PROM1: variants seen among roughly 807,000 people sequenced by gnomAD.
The protein encoded by PROM1 is prominin 1, also known as prominin-1.
In PROM1, 105 loss-of-function variants were observed where a neutral mutation model predicts 116.9. The observed-to-expected ratio is 0.90, with a 90% CI of 0.77 to 1.06. The LOEUF is 1.06. Ranked by LOEUF, PROM1 falls within the 50% of genes least tolerant of loss-of-function variation. The probability of loss-of-function intolerance (pLI) is 0.00; values close to 1 mark genes in which losing one functional copy is unlikely to be tolerated. For synonymous variants in PROM1, 393 were observed against 387.0 expected (o/e 1.02, Z -0.18); for missense variants, 1,122 against 1,045.2 (o/e 1.07, Z -1.01).
intron 5 of PROM1, among the ~76,000 whole-genome samples, chr4:16,025,568 A>G (rs1423291032): frequency 3.3e-5 from 5 of 152,244 alleles, no homozygotes; most frequent in Admixed American, 2.6e-4. Flanking sequence ...ACTCTCGTCA[A>G]TGGAACAATG....
At chr4:15,974,113 TC>T (rs1577742631) in intron 26 of PROM1, among the ~76,000 whole-genome samples, 1 of 80,578 alleles carries the variant, frequency 1.2e-5, no homozygotes, top group Non-Finnish European at 3.2e-5. Context: ...ACACACTCTC[TC>T]TCTTTCTCTC....
rs902573545 is a variant in PROM1, at chr4:15,989,960, G to A, written c.1984-136C>T. The A allele has an allele frequency of 4.4e-6, 3 of 687,064 alleles. No individual in the cohort carries two copies. In the Admixed American group the frequency reaches 6.9e-5, roughly 16 times the overall value. 42.6% of individuals were successfully genotyped at this position (687,064 alleles called of 1,614,324 possible). A position where few individuals can be genotyped will look rare whatever the true frequency, so the allele number is the denominator to read the frequency against. The stretch of plus-strand genomic sequence containing the variant: ...CAATGATGGCTGTGAGTGGGCATGG[G>A]GGCTGGTGTGAGGGATAGTGCCAAG... On this transcript the variant is annotated intron_variant, in intron 18 of 27. Transcript: ENST00000447510.
chr4:15,979,530 T>C, intron 25 of PROM1, 67 bp from the exon 26 acceptor site: 1 of 1,521,804 alleles, frequency 6.6e-7, no homozygotes, highest in Admixed American at 2.2e-5. Flanking sequence ...ACATCATGGA[T>C]TACAAAGACA....
At chr4:16,068,191 C>A (rs1323598112) in intron 2 of PROM1, among the ~76,000 whole-genome samples, 1 of 152,164 alleles carries the variant, frequency 6.6e-6, no homozygotes, top group Non-Finnish European at 1.5e-5. Flanking sequence ...GAGAAACTCC[C>A]TGTTTTTGGT....
chr4:16,062,150 C>T (rs1348359278), intron 2 of PROM1, among the ~76,000 whole-genome samples: 1 of 152,040 alleles, frequency 6.6e-6, no homozygotes, highest in African/African-American at 2.4e-5. Flanking sequence ...CTCGGCACCC[C>T]AAAGTGCTGG....
chr4:16,000,521 G>T lies in PROM1; in HGVS notation c.1553C>A (p.Pro518His). The change falls in exon 14 of 28, where the codon CCT becomes CAT. Residue 518 changes from proline to histidine, a missense_variant. Physicochemically the swap from Pro to His is moderately conservative, Grantham distance 77 (BLOSUM62 -2). Coordinates refer to ENST00000447510, the MANE Select transcript of PROM1 (RefSeq NM_006017.3). ...GANVEKLICE[P>H]YTSKELFRVL... is the part of the protein sequence containing the mutation. ...CCGGAATAATTCCTTGCTCGTGTAAGGTTCACAGATCAGTTTTTCCACATT... is the reference window on the plus strand; with the variant it reads ...CCGGAATAATTCCTTGCTCGTGTAATGTTCACAGATCAGTTTTTCCACATT... 1 of 1,594,314 alleles carries T rather than the reference G, an allele frequency of 6.3e-7. No individual in the cohort carries two copies. Among genetic ancestry groups the T allele is most frequent in the South Asian group, 1.1e-5 (1 of 90,300 alleles).
chr4:16,068,138 C>G (rs1224902786), intron 2 of PROM1, among the ~76,000 whole-genome samples: 1 of 152,116 alleles, frequency 6.6e-6, no homozygotes, highest in Non-Finnish European at 1.5e-5. Flanking sequence ...TCCCTGGTGG[C>G]TCATATGTCA....
chr4:16,047,231 G>C lies in PROM1; in HGVS notation c.221-8230C>G, dbSNP rs531075841. 5.9e-5 allele frequency among the ~76,000 whole-genome samples: 9 copies of C among 152,044 alleles called. No individual in the cohort carries two copies. In the East Asian group the frequency reaches 1.7e-3, roughly 29 times the overall value. ...TGCCTTTCTTTTTTTTTGAGAGAGA[G>C]AGAGTCTCTGTCGCCCAGGCTGGAG... On this transcript the variant is annotated intron_variant, in intron 2 of 27. Transcript: ENST00000447510.
chr4:16,082,635 A>C (rs10000335), intron 1 of PROM1: 81 of 152,400 alleles, frequency 5.3e-4, no homozygotes, highest in African/African-American at 1.9e-3. Context: ...GCGGGAAGCC[A>C]AGAGACTCCA....
At chr4:16,035,499 A>T (rs1287572321) in intron 4 of PROM1, among the ~76,000 whole-genome samples, 1 of 152,240 alleles carries the variant, frequency 6.6e-6, no homozygotes, top group African/African-American at 2.4e-5. Context: ...GACTAGACGA[A>T]GGCCTGTCAC....
chr4:15,975,658 G>A (rs1188135608), intron 26 of PROM1, among the ~76,000 whole-genome samples: 1 of 152,198 alleles, frequency 6.6e-6, no homozygotes, highest in African/African-American at 2.4e-5. Context: ...AGGAGGGTCT[G>A]GGTGGAAAAG....
intron 5 of PROM1, among the ~76,000 whole-genome samples, chr4:16,027,462 C>A (rs1731614796): frequency 6.6e-6 from 1 of 152,012 alleles, no homozygotes; most frequent in Admixed American, 6.6e-5. Context: ...CCCAGCATGC[C>A]CAGATTATTT....
chr4:16,033,340 A>T lies in PROM1; in HGVS notation c.473T>A (p.Phe158Tyr), dbSNP rs1398525128. 6.2e-7 allele frequency: 1 copy of T among 1,613,802 alleles called. No individual in the cohort carries two copies. Among genetic ancestry groups the T allele is most frequent in the Non-Finnish European group, 8.5e-7 (1 of 1,179,802 alleles). ...ACAAATCACCAACAGGGAGATTGCA[A>T]AGCATTTCCTCAGGAAGGGCCCATT... ...KENGPFLRKC[F>Y]AISLLVICII... Residue 158 changes from phenylalanine (F) to tyrosine (Y), a missense_variant, in exon 5 of 28, where the codon TTT becomes TAT. Phe to Tyr is a conservative substitution (Grantham distance 22, BLOSUM62 3). Coordinates refer to ENST00000447510, the MANE Select transcript of PROM1 (RefSeq NM_006017.3).
chr4:16,058,170 A>G (rs1374494989), intron 2 of PROM1, among the ~76,000 whole-genome samples: 1 of 152,188 alleles, frequency 6.6e-6, no homozygotes, highest in Non-Finnish European at 1.5e-5. Flanking sequence ...GTGAGGAGAG[A>G]GTGAAGGGGC....
chr4:16,028,764 C>T (rs542433812), intron 5 of PROM1, among the ~76,000 whole-genome samples: 1 of 152,300 alleles, frequency 6.6e-6, no homozygotes, highest in Non-Finnish European at 1.5e-5. Context: ...AATATCAGTT[C>T]TCTGGCATTT....
At chr4:15,992,157 C>T (rs1721219634) in intron 17 of PROM1, 91 bp downstream of exon 17, 3 of 1,519,036 alleles carry the variant, frequency 2.0e-6, no homozygotes, top group Non-Finnish European at 2.7e-6. Context: ...ATGTGAATCT[C>T]ATCTTAATAA....
At chr4:15,969,802 C>G (rs1713953882) in intron 27 of PROM1, among the ~76,000 whole-genome samples, 1 of 151,876 alleles carries the variant, frequency 6.6e-6, no homozygotes, top group Non-Finnish European at 1.5e-5. Context: ...GTCTCGAACT[C>G]CTAACCCCAA....
At chr4:16,001,910 A>T (rs1467678571) in intron 13 of PROM1, among the ~76,000 whole-genome samples, 1 of 152,192 alleles carries the variant, frequency 6.6e-6, no homozygotes, top group East Asian at 1.9e-4. Flanking sequence ...GAATAAAGAC[A>T]TGGAAAAGAA....
intron 23 of PROM1, 47 bp from the exon 24 acceptor site, chr4:15,980,584 G>A (rs551323235): frequency 4.0e-5 from 46 of 1,159,302 alleles, no homozygotes; most frequent in Non-Finnish European, 5.2e-5. Flanking sequence ...GATAAGAAAT[G>A]GGAAAAACAG....
Sources: allele counts gnomAD v4.1 joint callset (sites outside exome capture counted in the v4.1 genomes callset), GRCh38; gene constraint gnomAD v4.1.1; transcripts MANE v1.5; gene names NCBI Gene and HGNC (gene_info 2026-07-23, HGNC 2026-07-21).